Variants in UTY observed in about 807,000 individuals in gnomAD.
UTY encodes the protein ubiquitously transcribed tetratricopeptide repeat containing, Y-linked.
In UTY, 12 loss-of-function variants were observed where a neutral mutation model predicts 32.5. The observed-to-expected ratio is 0.37, with a 90% CI of 0.24 to 0.60. UTY has a LOEUF of 0.60. Among genes scored for constraint, UTY ranks in the 20% least tolerant of loss-of-function variants. UTY has a pLI of 0.69. For synonymous variants in UTY, 131 were observed against 103.4 expected, an observed-to-expected ratio of 1.27 and a Z score of -1.62; for missense variants, 303 against 299.2, an observed-to-expected ratio of 1.01 and a Z score of -0.09.
intron 8 of UTY, among the ~76,000 whole-genome samples, chrY:13,387,192 TTCAGAG>T (rs2066945195): frequency 3.1e-5 from 1 of 32,040 alleles, no homozygotes; most frequent in African/African-American, 1.2e-4. Context: ...ACAAAAAAAC[TTCAGAG>T]TCAGAGTATG....
intron 27 of UTY, among the ~76,000 whole-genome samples, chrY:13,279,682 A>C: frequency 6.0e-5 from 2 of 33,517 alleles, no homozygotes; most frequent in African/African-American, 2.3e-4. Flanking sequence ...ACATTGACAA[A>C]CATCCACATC....
chrY:13,290,369 A>G, intron 27 of UTY, among the ~76,000 whole-genome samples: 1 of 33,591 alleles, frequency 3.0e-5, no homozygotes, highest in Non-Finnish European at 7.4e-5. Flanking sequence ...CCTACAGGCT[A>G]TTACTGGCAA....
intron 4 of UTY, among the ~76,000 whole-genome samples, chrY:13,445,244 AATATATATATATATAT>A (rs60043171): frequency 1.5e-3 from 8 of 5,234 alleles, no homozygotes; most frequent in Admixed American, 2.2e-3. Context: ...TTTTTAAAAT[AATATATATATATATAT>A]ATATATATAT....
intron 17 of UTY, among the ~76,000 whole-genome samples, chrY:13,347,077 T>TTAG (rs2061964921): frequency 3.0e-5 from 1 of 33,442 alleles, no homozygotes; most frequent in Non-Finnish European, 7.4e-5. Context: ...CTATAACCTA[T>TTAG]TAGTAGTAGT....
chrY:13,280,686 A>AT (rs2056961146), intron 27 of UTY, among the ~76,000 whole-genome samples: 2 of 31,472 alleles, frequency 6.4e-5, no homozygotes, highest in East Asian at 8.4e-4. Context: ...TAATTTTTGT[A>AT]TTTTTTTTAG....
intron 27 of UTY, among the ~76,000 whole-genome samples, chrY:13,289,520 T>TA (rs2057633801): frequency 2.9e-5 from 1 of 34,035 alleles, no homozygotes. Context: ...GCCCGTCATG[T>TA]ACCCCTTGCT....
chrY:13,390,357 A>G (rs948260566), intron 8 of UTY, among the ~76,000 whole-genome samples: 54 of 33,250 alleles, frequency 1.6e-3, no homozygotes, highest in Non-Finnish European at 6.0e-4. Context: ...ATTATCCCCA[A>G]TAGAGTATGA....
intron 27 of UTY, among the ~76,000 whole-genome samples, chrY:13,280,633 TC>T (rs1236049224): frequency 3.1e-5 from 1 of 32,681 alleles, no homozygotes; most frequent in Non-Finnish European, 7.5e-5. Flanking sequence ...TACCTCAGCC[TC>T]CCAATTAGCC....
intron 18 of UTY, 81 bp from the exon 19 acceptor site, chrY:13,326,431 C>T: frequency 3.8e-6 from 1 of 260,718 alleles, no homozygotes; most frequent in Middle Eastern, 1.1e-3. Context: ...AATTAAAAGT[C>T]AGGCATAAGG....
At chrY:13,241,868 C>G in intron 28 of UTY, among the ~76,000 whole-genome samples, 1 of 32,374 alleles carries the variant, frequency 3.1e-5, no homozygotes, top group South Asian at 7.1e-4. Context: ...ATCATGAGGT[C>G]AGGAGTTCAA....
At chrY:13,340,957 G>A in intron 17 of UTY, among the ~76,000 whole-genome samples, 2 of 33,195 alleles carry the variant, frequency 6.0e-5, no homozygotes, top group East Asian at 1.6e-3. Context: ...CCAGGCTCAA[G>A]GGCTACAAAG....
chrY:13,239,361 T>G, intron 28 of UTY, among the ~76,000 whole-genome samples: 1 of 33,740 alleles, frequency 3.0e-5, no homozygotes, highest in Non-Finnish European at 7.4e-5. Context: ...AATAAATAAA[T>G]TACTGGTATC....
intron 27 of UTY, among the ~76,000 whole-genome samples, chrY:13,270,492 A>G: frequency 3.1e-5 from 1 of 32,737 alleles, no homozygotes; most frequent in Non-Finnish European, 7.5e-5. Context: ...ATTCCCATAC[A>G]GGGAGTCTCC....
intron 3 of UTY, among the ~76,000 whole-genome samples, chrY:13,466,307 C>T (rs891706347): frequency 2.8e-4 from 9 of 32,399 alleles, no homozygotes; most frequent in Admixed American, 5.8e-4. Context: ...TGCACATGTA[C>T]CCCAGAACTT....
intron 21 of UTY, among the ~76,000 whole-genome samples, chrY:13,321,006 T>G (rs2059777701): frequency 3.1e-5 from 1 of 32,039 alleles, no homozygotes; most frequent in Non-Finnish European, 7.6e-5. Flanking sequence ...AAATCAAGAG[T>G]AGAGGAATTC....
intron 14 of UTY, chrY:13,358,232 G>C: frequency 5.9e-6 from 1 of 168,362 alleles, no homozygotes. Flanking sequence ...ATTGTCAGAA[G>C]TGATGGTAAA....
At chrY:13,344,408 G>T (rs755861872) in intron 17 of UTY, among the ~76,000 whole-genome samples, 1 of 34,435 alleles carries the variant, frequency 2.9e-5, no homozygotes, top group East Asian at 7.8e-4. Flanking sequence ...ATCCATGGCA[G>T]GGGCCAACAT....
intron 6 of UTY, among the ~76,000 whole-genome samples, chrY:13,406,174 T>C: frequency 6.1e-5 from 2 of 32,888 alleles, no homozygotes; most frequent in Admixed American, 5.5e-4. Flanking sequence ...GCCCAGTACT[T>C]AGACAGTATC....
intron 8 of UTY, among the ~76,000 whole-genome samples, chrY:13,374,009 A>C (rs2065167665): frequency 8.9e-5 from 3 of 33,873 alleles, no homozygotes; most frequent in African/African-American, 3.5e-4. Flanking sequence ...CCTTTACTTT[A>C]GATCTTTAAA....
Sources: gnomAD v4.1 joint callset for allele counts (sites outside exome capture counted in the v4.1 genomes callset) on GRCh38, gnomAD v4.1.1 for gene constraint, MANE v1.5 for transcripts, NCBI Gene and HGNC (gene_info 2026-07-23, HGNC 2026-07-21) for gene names.